The following KIAA0319L variants were observed in gnomAD, a reference collection of about 807,000 sequenced individuals.
KIAA0319L encodes dyslexia-associated protein KIAA0319-like protein.
KIAA0319L carries 55 observed loss-of-function variants against 120.1 expected under a neutral mutation model. The observed-to-expected ratio is 0.46, with a 90% confidence interval of 0.37 to 0.57. The LOEUF (loss-of-function observed/expected upper bound fraction) is 0.57. KIAA0319L is among the 20% of genes least tolerant of loss of function. The probability of loss-of-function intolerance (pLI) is 0.00; values close to 1 mark genes in which losing one functional copy is unlikely to be tolerated. For missense variants in KIAA0319L, 1,049 were observed against 1,255.3 expected, an observed-to-expected ratio of 0.84 and a Z score of 2.48; for synonymous variants, 398 against 471.9, an observed-to-expected ratio of 0.84 and a Z score of 2.03.
intron 3 of KIAA0319L, among the ~76,000 whole-genome samples, chr1:35,496,700 T>C (rs1346449287): frequency 6.6e-6 from 1 of 152,022 alleles, no homozygotes; most frequent in African/African-American, 2.4e-5. Flanking sequence ...TCCCACCACT[T>C]TGGGAGGCCA....
intron 3 of KIAA0319L, among the ~76,000 whole-genome samples, chr1:35,486,737 C>CAAAAA (rs4045085): frequency 3.9e-4 from 34 of 86,938 alleles, no homozygotes; most frequent in South Asian, 1.3e-3. Flanking sequence ...CCCATTTCTA[C>CAAAAA]AAAAAAAAAA....
At chr1:35,466,122 C>G (rs547444895) in intron 7 of KIAA0319L, among the ~76,000 whole-genome samples, 4 of 152,270 alleles carry the variant, frequency 2.6e-5, no homozygotes, top group South Asian at 4.1e-4. Flanking sequence ...TGTGATCTAC[C>G]TACAGTGGTT....
chr1:35,452,372 A>C (rs1403586097), intron 12 of KIAA0319L, among the ~76,000 whole-genome samples: 1 of 152,160 alleles, frequency 6.6e-6, no homozygotes, highest in African/African-American at 2.4e-5. Context: ...GGCCTCAGAG[A>C]CTTGCCTGCA....
At chr1:35,553,261 G>A (rs1466294499) in intron 2 of KIAA0319L, among the ~76,000 whole-genome samples, 2 of 151,502 alleles carry the variant, frequency 1.3e-5, no homozygotes, top group Admixed American at 1.3e-4. Context: ...CTATTCTGAT[G>A]GTGCTAAATC....
intron 20 of KIAA0319L, chr1:35,440,437 T>C (rs527801745): frequency 6.5e-6 from 1 of 153,268 alleles, no homozygotes; most frequent in East Asian, 1.9e-4. Flanking sequence ...TCCCATGGCA[T>C]CCATGATGAG....
At chr1:35,541,609 C>CA (rs1646796429) in intron 2 of KIAA0319L, among the ~76,000 whole-genome samples, 1 of 152,092 alleles carries the variant, frequency 6.6e-6, no homozygotes, top group Non-Finnish European at 1.5e-5. Context: ...CGCAGCCTCC[C>CA]AAAGTGCTGG....
intron 9 of KIAA0319L, among the ~76,000 whole-genome samples, chr1:35,456,789 A>C (rs111548676): frequency 0.084 from 12,450 of 148,944 alleles, 1,164 homozygotes; most frequent in East Asian, 0.26. Context: ...CCAGCCTGGG[A>C]GACAGAGGGA....
intron 6 of KIAA0319L, among the ~76,000 whole-genome samples, chr1:35,467,878 T>A (rs1643373376): frequency 1.3e-5 from 2 of 151,984 alleles, no homozygotes; most frequent in Admixed American, 1.3e-4. Context: ...AGTAGAGACA[T>A]GGGTTTTGCC....
chr1:35,496,059 C>T (rs1297998947), intron 3 of KIAA0319L, among the ~76,000 whole-genome samples: 3 of 152,116 alleles, frequency 2.0e-5, no homozygotes, highest in Non-Finnish European at 4.4e-5. Flanking sequence ...ACATTAATCA[C>T]GGAAATGTAA....
intron 2 of KIAA0319L, among the ~76,000 whole-genome samples, chr1:35,543,661 G>A (rs1034845408): frequency 6.6e-6 from 1 of 152,162 alleles, no homozygotes; most frequent in Non-Finnish European, 1.5e-5. Flanking sequence ...AGGCCTACAG[G>A]TACCTTTTTC....
At chr1:35,527,841 TC>T (rs755350681) in intron 2 of KIAA0319L, among the ~76,000 whole-genome samples, 3 of 151,996 alleles carry the variant, frequency 2.0e-5, no homozygotes, top group Non-Finnish European at 4.4e-5. Context: ...ACTTTTCATT[TC>T]TTTTTTTTTA....
At position 35,450,426 on chromosome 1, in the gene KIAA0319L, T is replaced by C. The variant is rs1462976451; in HGVS notation, c.2146A>G (p.Lys716Glu). 6.2e-7 allele frequency: 1 copy of C among 1,614,134 alleles called. No homozygotes were observed. Among genetic ancestry groups the C allele is most frequent in the South Asian group, 1.1e-5 (1 of 91,084 alleles). Reference protein sequence around the residue: ...PTSTAELDGSKSSDDKGIVSY... With the variant: ...PTSTAELDGSESSDDKGIVSY... The stretch of plus-strand genomic sequence containing the variant: ...ACTATTCCCTTGTCATCTGAGGACT[T>C]AGAGCCATCCAGCTCTGCTGTGCTC... The change falls in exon 14 of 21, where the codon AAG becomes GAG. Residue 716 changes from lysine (K) to glutamate (E), a missense_variant. By Grantham distance (56) the Lys-to-Glu change is moderately conservative. Coordinates refer to ENST00000325722, the MANE Select transcript of KIAA0319L (RefSeq NM_024874.5).
chr1:35,496,824 G>A (rs1195202637), intron 3 of KIAA0319L, among the ~76,000 whole-genome samples: 1 of 151,804 alleles, frequency 6.6e-6, no homozygotes, highest in Admixed American at 6.6e-5. Flanking sequence ...GCACATGCCT[G>A]TATTCCCAGC....
At chr1:35,452,381 C>A (rs903099193) in intron 12 of KIAA0319L, among the ~76,000 whole-genome samples, 1 of 152,190 alleles carries the variant, frequency 6.6e-6, no homozygotes, top group African/African-American at 2.4e-5. Context: ...GACTTGCCTG[C>A]AGCAGCCAAG....
At chr1:35,556,811 G>C (rs1157092190) in intron 1 of KIAA0319L, 1 of 151,904 alleles carries the variant, frequency 6.6e-6, no homozygotes, top group Non-Finnish European at 1.5e-5. Context: ...CATTATAATG[G>C]ACACATCGTG....
intron 20 of KIAA0319L, among the ~76,000 whole-genome samples, chr1:35,438,317 G>T (rs1026146249): frequency 6.6e-6 from 1 of 151,946 alleles, no homozygotes; most frequent in Admixed American, 6.6e-5. Flanking sequence ...ACCCACAGAG[G>T]CTCAGTGCTG....
At chr1:35,493,564 C>T (rs1207507746) in intron 3 of KIAA0319L, among the ~76,000 whole-genome samples, 1 of 152,040 alleles carries the variant, frequency 6.6e-6, no homozygotes, top group East Asian at 1.9e-4. Flanking sequence ...GTATACATGT[C>T]TTTCTTGCAC....
Position 35,554,438 on chromosome 1 carries a change from T to A in KIAA0319L, c.54A>T (p.Gly18=). 6.2e-7 allele frequency: 1 copy of A among 1,613,194 alleles called. No homozygotes were observed. Among genetic ancestry groups the A allele is most frequent in the East Asian group, 2.2e-5 (1 of 44,836 alleles). The change falls in exon 2 of 21, where the codon GGA becomes GGT. Residue 18 remains glycine (G), a synonymous_variant. Coordinates refer to ENST00000325722, the MANE Select transcript of KIAA0319L (RefSeq NM_024874.5). The part of the protein sequence containing the change: ...KPNPASWILS[G]YYWQTSAKWL... ...ACTTCGCAGATGTCTGCCAATAATA[T>A]CCTGATAAAATCCAGGAAGCAGGAT... is the stretch of plus-strand genomic sequence containing the variant.
chr1:35,505,205 CTTG>C (rs1197814920), intron 3 of KIAA0319L, among the ~76,000 whole-genome samples: 3 of 152,058 alleles, frequency 2.0e-5, no homozygotes, highest in Admixed American at 6.5e-5. Flanking sequence ...GAGTATAAGC[CTTG>C]TTAAGGCAGA....
Sources: gnomAD v4.1 joint callset for allele counts (sites outside exome capture counted in the v4.1 genomes callset) on GRCh38, gnomAD v4.1.1 for gene constraint, MANE v1.5 for transcripts, NCBI Gene and HGNC (gene_info 2026-07-23, HGNC 2026-07-21) for gene names.